MAX: variants seen among roughly 807,000 people sequenced by gnomAD.
The protein encoded by MAX is MYC associated transcriptional regulator X.
MAX carries 3 observed loss-of-function variants against 22.3 expected under a neutral mutation model. That is an observed-to-expected ratio of 0.13 (90% CI 0.06 to 0.35). The LOEUF (loss-of-function observed/expected upper bound fraction) is 0.35, where lower values mean the gene tolerates loss of function less well. MAX is among the 10% of genes least tolerant of loss of function. The probability of loss-of-function intolerance (pLI) is 1.00; values close to 1 mark genes in which losing one functional copy is unlikely to be tolerated. For missense variants in MAX, 119 were observed against 209.4 expected (o/e 0.57, Z 2.66); for synonymous variants, 72 against 77.7 (o/e 0.93, Z 0.39).
intron 3 of MAX, among the ~76,000 whole-genome samples, chr14:65,041,393 G>C (rs1348665573): frequency 6.6e-6 from 1 of 152,130 alleles, no homozygotes; most frequent in African/African-American, 2.4e-5. Flanking sequence ...TTTATGTCTG[G>C]ACCCCACGCT....
rs527255470 is a variant in MAX, at chr14:65,011,884, G to A, written c.172-5600C>T. The stretch of plus-strand genomic sequence containing the variant: ...GGGCCTTGGAGAAGTCATCCCAGAC[G>A]GGGTGACTGAAATGACAGCGGCTGA... On this transcript the variant is annotated intron_variant, in intron 3 of 3. Coordinates refer to the MAX transcript ENST00000341653. This position sits in a 1 kb window ranked among gnomAD's most constrained non-coding sequence, Gnocchi z 4.0. Among the ~76,000 whole-genome samples, 5 of 152,296 alleles carry A rather than the reference G, an allele frequency of 3.3e-5. No homozygotes were observed. Among genetic ancestry groups the A allele is most frequent in the South Asian group, 4.1e-4 (2 of 4,826 alleles).
chr14:65,102,459 ACTCACTCGCTCT>A lies in MAX; in HGVS notation c.-132_-121del. 1 of 1,532,066 alleles carries A rather than the reference ACTCACTCGCTCT, an allele frequency of 6.5e-7. No homozygotes were observed. The highest frequency in any genetic ancestry group is 8.8e-7 in the Non-Finnish European group (1 of 1,141,194). The allele number at this position is 1,532,066 out of a possible 1,614,324, so 94.9% of individuals were successfully genotyped here. ...CCCCCACACACACACTCACTCACTCACTCACTCGCTCTCTCACTCACACACACACACAACACG... is the reference window on the plus strand; with the variant it reads ...CCCCCACACACACACTCACTCACTCACTCACTCACACACACACACAACACG... On this transcript the variant is annotated 5_prime_UTR_variant, in exon 1 of 5. Coordinates refer to ENST00000358664, the MANE Select transcript of MAX (RefSeq NM_002382.5).
At position 65,075,982 on chromosome 14, in the gene MAX, AAGG is replaced by A. The variant is rs1302817511; in HGVS notation, c.*491_*493del. ...AAAGGAAAAAAAAAAAACCCTTAAA[AAGG>A]AGGAGGGTTCATTCTGATTACTCCA... On this transcript the variant is annotated 3_prime_UTR_variant, in exon 5 of 5. Transcript: ENST00000358664. The surrounding 1 kb of genome is among the most constrained non-coding windows in gnomAD (Gnocchi z 4.1). 7.4e-6 allele frequency: 8 copies of A among 1,080,290 alleles called. No individual in the cohort carries two copies. The highest frequency in any genetic ancestry group is 9.0e-6 in the Non-Finnish European group (8 of 888,410). 66.9% of individuals were successfully genotyped at this position (1,080,290 alleles called of 1,614,324 possible).
chr14:65,101,395 C>G, intron 2 of MAX, 151 bp downstream of exon 2: 1 of 702,512 alleles, frequency 1.4e-6, no homozygotes, highest in Non-Finnish European at 2.4e-6. Context: ...ACCCCCCCAC[C>G]CTCCAGAACC....
chr14:65,013,667 C>G (rs1249751211), intron 3 of MAX, among the ~76,000 whole-genome samples: 1 of 152,166 alleles, frequency 6.6e-6, no homozygotes, highest in Non-Finnish European at 1.5e-5. Flanking sequence ...CTTGCCTCAG[C>G]CTTCTGAGTG....
At chr14:65,067,614 G>T (rs1031338004) in intron 3 of MAX, among the ~76,000 whole-genome samples, 3 of 150,858 alleles carry the variant, frequency 2.0e-5, no homozygotes, top group Non-Finnish European at 2.9e-5. Context: ...CTTATGACTA[G>T]ATGGGTTTAT....
At chr14:65,022,264 A>G in intron 3 of MAX, 1 of 323,592 alleles carries the variant, frequency 3.1e-6, no homozygotes, top group South Asian at 2.4e-5. Context: ...CCTATTTCCA[A>G]AGCTGTAATC....
Position 65,031,979 on chromosome 14 carries a change from CGTGTGTGTGTGTGT to C in MAX, c.172-25709_172-25696del, listed in dbSNP as rs563468928. On this transcript the variant is annotated intron_variant, in intron 3 of 3. Transcript: ENST00000341653. This position sits in a 1 kb window ranked among gnomAD's most constrained non-coding sequence, Gnocchi z 4.6. ...ATAGACGTGCGCCTTTTTCATTTAA[CGTGTGTGTGTGTGT>C]GTGTGTGTGTGTGTGTGTGTGTGTG... Among the ~76,000 whole-genome samples the C allele has an allele frequency of 3.7e-4, 52 of 141,288 alleles. 1 individual carries two copies. Among genetic ancestry groups the C allele is most frequent in the African/African-American group, 9.8e-4 (37 of 37,890 alleles). 92.7% of individuals were successfully genotyped at this position (141,288 alleles called of 152,430 possible).
chr14:65,059,322 C>T (rs967468018), intron 3 of MAX, among the ~76,000 whole-genome samples: 3 of 151,658 alleles, frequency 2.0e-5, no homozygotes, highest in Non-Finnish European at 2.9e-5. Flanking sequence ...ACCTGGCCCC[C>T]GCACTAGCCC....
Position 65,077,460 on chromosome 14 carries a change from T to C in MAX, c.295+453A>G, listed in dbSNP as rs200906572. ...TTGTAGGAAAAGGCGGGTGTGAGCA[T>C]TGAGAACAGCATGGGCCTAGCCCAT... On this transcript the variant is annotated intron_variant, in intron 4 of 4. Coordinates refer to ENST00000358664, the MANE Select transcript of MAX (RefSeq NM_002382.5). This position sits in a 1 kb window ranked among gnomAD's most constrained non-coding sequence, Gnocchi z 6.3. 12 of 1,424,324 alleles carry C rather than the reference T, an allele frequency of 8.4e-6. No homozygotes were observed. Among genetic ancestry groups the C allele is most frequent in the South Asian group, 1.1e-5 (1 of 87,280 alleles). The allele number at this position is 1,424,324 out of a possible 1,614,324, so 88.2% of individuals were successfully genotyped here.
chr14:65,089,712 G>T (rs2063442939), intron 3 of MAX, among the ~76,000 whole-genome samples: 1 of 119,936 alleles, frequency 8.3e-6, no homozygotes, highest in Non-Finnish European at 1.6e-5. Flanking sequence ...TAGTACCCAA[G>T]CAAGGACACT....
rs180811414 is a variant in MAX, at chr14:65,042,257, C to T, written c.172-35973G>A. 9.3e-4 allele frequency among the ~76,000 whole-genome samples: 141 copies of T among 152,206 alleles called. 1 individual carries two copies. The highest frequency in any genetic ancestry group is 3.1e-3 in the African/African-American group (127 of 41,524). On this transcript the variant is annotated intron_variant, in intron 3 of 3. Coordinates refer to the MAX transcript ENST00000341653. The stretch of plus-strand genomic sequence containing the variant: ...ATTACATTTATTGTGTACTTTATTT[C>T]TATTATTACACTGTAATATATAATG...
At chr14:65,048,544 G>A (rs528834728) in intron 3 of MAX, among the ~76,000 whole-genome samples, 1 of 152,294 alleles carries the variant, frequency 6.6e-6, no homozygotes, top group South Asian at 2.1e-4. Context: ...TTGAGTAGAA[G>A]AAGGAATTAC....
chr14:65,037,752 AT>A (rs751540053), intron 3 of MAX, among the ~76,000 whole-genome samples: 5,881 of 102,286 alleles, frequency 0.057, 149 homozygotes, highest in Non-Finnish European at 0.082. Flanking sequence ...TTATTTATTT[AT>A]TTATTTATTT....
rs985766637 is a variant in MAX at position 65,028,262 on chromosome 14, T to C, written c.172-21978A>G. ...CAGAGAGCCTTGTGGGCCGGGAGAG[T>C]GCAGTGCAATAAAATCGCATTAACT... is the stretch of plus-strand genomic sequence containing the variant. On this transcript the variant is annotated intron_variant, in intron 3 of 3. Coordinates refer to the MAX transcript ENST00000341653. The surrounding 1 kb of genome is among the most constrained non-coding windows in gnomAD (Gnocchi z 4.4). Among the ~76,000 whole-genome samples the C allele has an allele frequency of 7.2e-5, 11 of 151,916 alleles. No individual in the cohort carries two copies. Among genetic ancestry groups the C allele is most frequent in the Admixed American group, 7.2e-4 (11 of 15,242 alleles).
At chr14:65,052,516 C>T (rs1021370514) in intron 3 of MAX, among the ~76,000 whole-genome samples, 1 of 152,058 alleles carries the variant, frequency 6.6e-6, no homozygotes. Flanking sequence ...CACACCTGTC[C>T]GTGATTTGTC....
Position 65,054,824 on chromosome 14 carries a change from T to C in MAX, c.171+38884A>G. ...CTTGTGGTCCCTCTGCCCTTCGAGC[T>C]GTGCAGCCGTTAGTGAGGATGTGAC... On this transcript the variant is annotated intron_variant, in intron 3 of 3. Coordinates refer to the MAX transcript ENST00000341653. The surrounding 1 kb of genome is among the most constrained non-coding windows in gnomAD (Gnocchi z 4.4). 2.1e-6 allele frequency: 2 copies of C among 972,846 alleles called. No individual in the cohort carries two copies. Among genetic ancestry groups the C allele is most frequent in the Non-Finnish European group, 3.0e-6 (2 of 661,112 alleles). 60.3% of individuals were successfully genotyped at this position (972,846 alleles called of 1,614,324 possible).
rs2061684220 is a variant in MAX, at chr14:65,011,572, C to T, written c.172-5288G>A. Among the ~76,000 whole-genome samples the T allele has an allele frequency of 1.3e-5, 2 of 152,112 alleles. No individual in the cohort carries two copies. Among genetic ancestry groups the T allele is most frequent in the Non-Finnish European group, 2.9e-5 (2 of 68,030 alleles). ...CCTTTGTTTCTGTAATCTGCAAGCA[C>T]GGGGAACATCTTGACAATCTGTGCT... is the stretch of plus-strand genomic sequence containing the variant. On this transcript the variant is annotated intron_variant, in intron 3 of 3. Transcript: ENST00000341653. This position sits in a 1 kb window ranked among gnomAD's most constrained non-coding sequence, Gnocchi z 4.0.
Position 65,037,403 on chromosome 14 carries a change from C to CTTTTTTT in MAX, c.172-31126_172-31120dup, listed in dbSNP as rs1555335876. Among the ~76,000 whole-genome samples the CTTTTTTT allele has an allele frequency of 1.9e-3, 56 of 29,672 alleles. 8 individuals are homozygous for CTTTTTTT. The highest frequency in any genetic ancestry group is 5.1e-3 in the Admixed American group (12 of 2,372). The allele number at this position is 29,672 out of a possible 152,430, so 19.5% of individuals were successfully genotyped here. A position where few individuals can be genotyped will look rare whatever the true frequency, so the allele number is the denominator to read the frequency against. The stretch of plus-strand genomic sequence containing the variant: ...TAGGCGTGAGCCACCACGCCGGGCC[C>CTTTTTTT]TTTTTTTTTTTTTTTTTTTTTTTTT... On this transcript the variant is annotated intron_variant, in intron 3 of 3. Coordinates refer to the MAX transcript ENST00000341653.
Sources: allele counts gnomAD v4.1 joint callset (sites outside exome capture counted in the v4.1 genomes callset), GRCh38; gene constraint gnomAD v4.1.1; non-coding constraint Gnocchi (gnomAD v3.1); transcripts MANE v1.5; gene names NCBI Gene and HGNC (gene_info 2026-07-23, HGNC 2026-07-21).